UBE3C: variants seen among roughly 807,000 people sequenced by gnomAD.
UBE3C encodes the protein ubiquitin-protein ligase E3C.
A neutral mutation model predicts 129.4 loss-of-function variants in UBE3C; 42 were observed. The ratio of observed to expected loss-of-function variants is 0.32; its 90% CI spans 0.25 to 0.42. The LOEUF is 0.42. UBE3C is among the 10% of genes least tolerant of loss of function. UBE3C has a pLI of 1.00. For missense variants in UBE3C, 1,049 were observed against 1,319.1 expected, an observed-to-expected ratio of 0.80 and a Z score of 3.17; for synonymous variants, 510 against 492.4, an observed-to-expected ratio of 1.04 and a Z score of -0.47.
At chr7:157,143,258 G>A (rs926975645) in intron 1 of UBE3C, among the ~76,000 whole-genome samples, 2 of 152,046 alleles carry the variant, frequency 1.3e-5, no homozygotes, top group East Asian at 3.8e-4. Flanking sequence ...TTAATTGGGG[G>A]TATGTTTTTC....
At chr7:157,209,631 A>G (rs1204633563) in intron 13 of UBE3C, among the ~76,000 whole-genome samples, 2 of 152,208 alleles carry the variant, frequency 1.3e-5, no homozygotes, top group South Asian at 2.1e-4. Context: ...AAAGCTTTCC[A>G]TGATGTGCAA....
At chr7:157,192,208 G>A (rs1586677037) in intron 10 of UBE3C, among the ~76,000 whole-genome samples, 1 of 152,120 alleles carries the variant, frequency 6.6e-6, no homozygotes, top group Non-Finnish European at 1.5e-5. Flanking sequence ...AATGATAATT[G>A]TTTCCCGGGA....
intron 18 of UBE3C, among the ~76,000 whole-genome samples, chr7:157,235,370 T>C (rs950030817): frequency 6.6e-6 from 1 of 152,210 alleles, no homozygotes; most frequent in Non-Finnish European, 1.5e-5. Context: ...TCACAGAAGA[T>C]AGAGCAATAA....
intron 1 of UBE3C, chr7:157,139,930 G>A: frequency 3.2e-6 from 3 of 924,240 alleles, no homozygotes; most frequent in Non-Finnish European, 3.9e-6. Context: ...AATCCAAGAC[G>A]AGGGCAATTA....
chr7:157,264,661 G>A (rs1456470776), intron 22 of UBE3C, among the ~76,000 whole-genome samples: 1 of 152,098 alleles, frequency 6.6e-6, no homozygotes, highest in East Asian at 1.9e-4. Context: ...TCTCACTGCA[G>A]CCTGCAACCT....
Position 157,225,428 on chromosome 7 carries a change from G to T in UBE3C, c.2122G>T (p.Ala708Ser), listed in dbSNP as rs376941348. ...RVKIFQRLIY[A>S]DKQEVQGDGP... ...TTAGATCTTTCAGAGGTTGATTTAT[G>T]CAGATAAGCAAGAAGTTCAAGGAGA... Residue 708 changes from alanine to serine, a missense_variant, in exon 17 of 23, where the codon GCA becomes TCA. Physicochemically the swap from Ala to Ser is moderately conservative, Grantham distance 99 (BLOSUM62 1). This residue lies in a region of UBE3C where 314 missense variants were observed against 416.9 expected (regional missense o/e 0.75). Transcript: ENST00000348165. 7 of 1,605,426 alleles carry T rather than the reference G, an allele frequency of 4.4e-6. No individual in the cohort carries two copies. The South Asian group carries it at 6.8e-5, about 15-fold the overall frequency.
At position 157,143,041 on chromosome 7, in the gene UBE3C, A is replaced by G. The variant is rs185049610; in HGVS notation, c.66+3703A>G. The stretch of plus-strand genomic sequence containing the variant: ...CACCACCACGTCTGGCTAATTTTGT[A>G]TTTTTAGTAGAGATGGGGTTTCTCC... On this transcript the variant is annotated intron_variant, in intron 1 of 22. Coordinates refer to ENST00000348165, the MANE Select transcript of UBE3C (RefSeq NM_014671.3). Among the ~76,000 whole-genome samples, 335 of 151,766 alleles carry G rather than the reference A, an allele frequency of 2.2e-3. 2 individuals are homozygous for G. The highest frequency in any genetic ancestry group is 3.8e-3 in the Non-Finnish European group (259 of 67,912).
intron 19 of UBE3C, among the ~76,000 whole-genome samples, chr7:157,251,818 TA>T (rs1030408637): frequency 4.6e-5 from 7 of 152,198 alleles, no homozygotes; most frequent in African/African-American, 1.7e-4. Context: ...AATTTTAAAT[TA>T]AAAGTAGTGT....
At chr7:157,260,924 G>A (rs1182452) in intron 22 of UBE3C, among the ~76,000 whole-genome samples, 88,108 of 152,038 alleles carry the variant, frequency 0.58, 26,400 homozygotes, top group South Asian at 0.65. Context: ...TGATGCCTCC[G>A]GGTTCGTGCA....
intron 13 of UBE3C, among the ~76,000 whole-genome samples, chr7:157,213,061 T>G (rs942818520): frequency 6.6e-6 from 1 of 152,226 alleles, no homozygotes; most frequent in African/African-American, 2.4e-5. Context: ...CCCGGCAGTG[T>G]GTGCATTTCT....
At position 157,181,527 on chromosome 7, in the gene UBE3C, G is replaced by A; in HGVS notation, c.626G>A (p.Arg209Lys). The A allele has an allele frequency of 6.2e-7, 1 of 1,601,612 alleles. No individual in the cohort carries two copies. The highest frequency in any genetic ancestry group is 8.5e-7 in the Non-Finnish European group (1 of 1,175,994). ...GTGTTTTTCCTTTTAGGGTATTATA[G>A]GTCTCTATATTTGTTGATTAACAGC... ...LHYMIHNGYY[R>K]SLYLLINSKL... The change falls in exon 7 of 23, where the codon AGG becomes AAG. Residue 209 changes from arginine (R) to lysine (K), a missense_variant. Physicochemically the swap from Arg to Lys is conservative, Grantham distance 26. Coordinates refer to ENST00000348165, the MANE Select transcript of UBE3C (RefSeq NM_014671.3).
chr7:157,217,909 G>C (rs1307189334), intron 14 of UBE3C, among the ~76,000 whole-genome samples: 1 of 152,116 alleles, frequency 6.6e-6, no homozygotes, highest in Non-Finnish European at 1.5e-5. Context: ...TGTAGTCCCA[G>C]CTACTCAGGA....
intron 1 of UBE3C, among the ~76,000 whole-genome samples, chr7:157,157,912 G>A (rs1450348535): frequency 4.6e-5 from 7 of 151,864 alleles, no homozygotes; most frequent in Admixed American, 2.6e-4. Flanking sequence ...CCTGGGAGGC[G>A]GAGGTTGCAG....
intron 1 of UBE3C, among the ~76,000 whole-genome samples, chr7:157,153,304 C>T (rs974459390): frequency 6.6e-6 from 1 of 152,030 alleles, no homozygotes; most frequent in Non-Finnish European, 1.5e-5. Flanking sequence ...CACATCTTGC[C>T]ACTGTGAAAC....
chr7:157,236,726 ACT>A (rs1218993297), intron 18 of UBE3C, among the ~76,000 whole-genome samples: 1 of 149,110 alleles, frequency 6.7e-6, no homozygotes, highest in Non-Finnish European at 1.5e-5. Context: ...TGAACCCTAA[ACT>A]CTTTTTTTTT....
At position 157,207,408 on chromosome 7, in the gene UBE3C, C is replaced by A; in HGVS notation, c.1429C>A (p.Pro477Thr). 1 of 1,612,300 alleles carries A rather than the reference C, an allele frequency of 6.2e-7. No homozygotes were observed. Among genetic ancestry groups the A allele is most frequent in the Non-Finnish European group, 8.5e-7 (1 of 1,179,728 alleles). The stretch of plus-strand genomic sequence containing the variant: ...TTTCTTTAATTCAAGGTCTATGGTA[C>A]CGTTGCTTCAGGTGATATCCAGGGG... ...STRMITGSMV[P>T]LLQVISRGSP... Residue 477 changes from proline (P) to threonine (T), a missense_variant, in exon 12 of 23, where the codon CCG becomes ACG. This residue lies in a region of UBE3C where 314 missense variants were observed against 416.9 expected (regional missense o/e 0.75). Transcript: ENST00000348165.
intron 9 of UBE3C, among the ~76,000 whole-genome samples, chr7:157,186,125 TA>T (rs1175130516): frequency 6.6e-6 from 1 of 152,120 alleles, no homozygotes; most frequent in East Asian, 1.9e-4. Context: ...CCTTTGATTT[TA>T]AAAAATTCGT....
At chr7:157,217,020 G>C in intron 14 of UBE3C, 49 bp downstream of exon 14, 1 of 1,425,858 alleles carries the variant, frequency 7.0e-7, no homozygotes, top group Non-Finnish European at 9.7e-7. Flanking sequence ...AATACATTCA[G>C]CTTGTGTCTT....
intron 1 of UBE3C, among the ~76,000 whole-genome samples, chr7:157,155,526 A>G (rs1807879258): frequency 6.6e-6 from 1 of 152,166 alleles, no homozygotes; most frequent in Non-Finnish European, 1.5e-5. Context: ...AAGTTACTTA[A>G]ATTTACTTTG....
Sources: gnomAD v4.1 joint callset for allele counts (sites outside exome capture counted in the v4.1 genomes callset) on GRCh38, gnomAD v4.1.1 for gene constraint, gnomAD v4.1.1 regional missense constraint, MANE v1.5 for transcripts, NCBI Gene and HGNC (gene_info 2026-07-23, HGNC 2026-07-21) for gene names.